ADARB2: variants seen among roughly 807,000 people sequenced by gnomAD.
ADARB2 encodes the protein inactive double-stranded RNA-specific editase B2.
ADARB2 carries 25 observed loss-of-function variants against 62.2 expected under a neutral mutation model. The observed-to-expected ratio is 0.40, with a 90% confidence interval of 0.29 to 0.56. ADARB2 has a LOEUF of 0.56. ADARB2 is among the 20% of genes least tolerant of loss of function. The pLI, the probability that ADARB2 is intolerant of heterozygous loss-of-function variation, is 0.43. For missense variants in ADARB2, 1,071 were observed against 1,077.4 expected, an observed-to-expected ratio of 0.99 and a Z score of 0.08; for synonymous variants, 572 against 500.8, an observed-to-expected ratio of 1.14 and a Z score of -1.90.
At chr10:1,310,837 GTT>G (rs1479117885) in intron 3 of ADARB2, among the ~76,000 whole-genome samples, 1 of 152,224 alleles carries the variant, frequency 6.6e-6, no homozygotes, top group Admixed American at 6.5e-5. Flanking sequence ...ACAAGGAGTA[GTT>G]TTCAGTAACT....
chr10:1,676,055 C>A, intron 1 of ADARB2: 1 of 985,404 alleles, frequency 1.0e-6, no homozygotes, highest in Non-Finnish European at 1.2e-6. Context: ...ACCTGAGCCC[C>A]TGTGCACAGG....
intron 1 of ADARB2, among the ~76,000 whole-genome samples, chr10:1,531,857 T>C (rs1832246352): frequency 6.7e-6 from 1 of 150,328 alleles, no homozygotes; most frequent in African/African-American, 2.4e-5. Context: ...AAAAAAAAAA[T>C]AGTGCCCTAG....
chr10:1,616,288 T>G (rs1833631803), intron 1 of ADARB2, among the ~76,000 whole-genome samples: 1 of 152,222 alleles, frequency 6.6e-6, no homozygotes, highest in African/African-American at 2.4e-5. Context: ...TCTCTTCTGT[T>G]GGGAACTTGA....
chr10:1,612,860 T>C (rs1833588896), intron 1 of ADARB2, among the ~76,000 whole-genome samples: 1 of 152,254 alleles, frequency 6.6e-6, no homozygotes, highest in Non-Finnish European at 1.5e-5. Flanking sequence ...ACTCACTATC[T>C]GATCTTGAGG....
intron 1 of ADARB2, among the ~76,000 whole-genome samples, chr10:1,725,174 C>T (rs1835147894): frequency 6.6e-6 from 1 of 152,078 alleles, no homozygotes; most frequent in Admixed American, 6.5e-5. Context: ...CCTCAGGGGC[C>T]GCGTTAACGT....
intron 3 of ADARB2, among the ~76,000 whole-genome samples, chr10:1,332,796 A>C (rs763185860): frequency 3.9e-5 from 6 of 152,082 alleles, no homozygotes; most frequent in African/African-American, 1.2e-4. Flanking sequence ...TTGAGGAAAA[A>C]CCCCAAAGCT....
At chr10:1,544,962 C>T (rs1050486799) in intron 1 of ADARB2, among the ~76,000 whole-genome samples, 3 of 151,482 alleles carry the variant, frequency 2.0e-5, no homozygotes, top group African/African-American at 4.8e-5. Flanking sequence ...AGTATACACA[C>T]ACACACACAC....
chr10:1,627,235 G>T (rs1471364969), intron 1 of ADARB2, among the ~76,000 whole-genome samples: 2 of 152,076 alleles, frequency 1.3e-5, no homozygotes, highest in African/African-American at 2.4e-5. Context: ...TATTGATTTA[G>T]AGGTTGCTTT....
At chr10:1,456,284 T>C (rs1011130662) in intron 1 of ADARB2, among the ~76,000 whole-genome samples, 1 of 152,178 alleles carries the variant, frequency 6.6e-6, no homozygotes, top group African/African-American at 2.4e-5. Context: ...TCTTCCCTGA[T>C]TTCTCCAGGA....
chr10:1,395,773 T>A (rs1832607664), intron 1 of ADARB2, among the ~76,000 whole-genome samples: 1 of 152,228 alleles, frequency 6.6e-6, no homozygotes, highest in Admixed American at 6.5e-5. Context: ...GGTGGGGGGC[T>A]GCCCTCCTGT....
intron 1 of ADARB2, among the ~76,000 whole-genome samples, chr10:1,612,051 G>A (rs1444431838): frequency 6.6e-6 from 1 of 152,196 alleles, no homozygotes; most frequent in Non-Finnish European, 1.5e-5. Flanking sequence ...CGATGAGGTG[G>A]GTTCGGGCCG....
intron 3 of ADARB2, among the ~76,000 whole-genome samples, chr10:1,311,880 A>T (rs1176429509): frequency 6.6e-6 from 1 of 152,122 alleles, no homozygotes; most frequent in African/African-American, 2.4e-5. Flanking sequence ...ATGTGAGTGT[A>T]ATTTAGGAAA....
chr10:1,476,017 G>C (rs1831395390), intron 1 of ADARB2, among the ~76,000 whole-genome samples: 1 of 152,226 alleles, frequency 6.6e-6, no homozygotes. Flanking sequence ...TTTGAAAACA[G>C]TGAAAACTCT....
intron 1 of ADARB2, among the ~76,000 whole-genome samples, chr10:1,609,760 T>A (rs1833544257): frequency 6.6e-6 from 1 of 152,148 alleles, no homozygotes. Context: ...TGGGCCCGGG[T>A]GAGCTGTGTG....
At chr10:1,308,680 G>A (rs1933558241) in intron 3 of ADARB2, among the ~76,000 whole-genome samples, 2 of 152,142 alleles carry the variant, frequency 1.3e-5, no homozygotes, top group Admixed American at 6.5e-5. Flanking sequence ...CAGTGTTCTG[G>A]GTTTTGGTAC....
At chr10:1,258,039 A>C (rs1375896858) in intron 4 of ADARB2, among the ~76,000 whole-genome samples, 1 of 152,180 alleles carries the variant, frequency 6.6e-6, no homozygotes, top group Admixed American at 6.5e-5. Flanking sequence ...GTCAACGATG[A>C]TTAACTCCTG....
intron 4 of ADARB2, among the ~76,000 whole-genome samples, chr10:1,250,691 A>G (rs1257374353): frequency 6.6e-6 from 1 of 151,844 alleles, no homozygotes; most frequent in Non-Finnish European, 1.5e-5. Context: ...TATTTTTTAT[A>G]AAGTACCCAG....
At chr10:1,359,933 T>A (rs1333041704) in intron 3 of ADARB2, among the ~76,000 whole-genome samples, 3 of 152,228 alleles carry the variant, frequency 2.0e-5, no homozygotes, top group Non-Finnish European at 4.4e-5. Flanking sequence ...CATTGGAAAC[T>A]TTTTTCATTG....
intron 1 of ADARB2, among the ~76,000 whole-genome samples, chr10:1,698,872 T>G (rs1252225983): frequency 6.6e-6 from 1 of 152,350 alleles, no homozygotes; most frequent in East Asian, 1.9e-4. Context: ...CAGTTCTCCC[T>G]GCCTCAGCCT....
Sources: gnomAD v4.1 joint callset for allele counts (sites outside exome capture counted in the v4.1 genomes callset) on GRCh38, gnomAD v4.1.1 for gene constraint, MANE v1.5 for transcripts, NCBI Gene and HGNC (gene_info 2026-07-23, HGNC 2026-07-21) for gene names.